TASP1: variants seen among roughly 807,000 people sequenced by gnomAD.
TASP1 encodes taspase 1.
In TASP1, 16 loss-of-function variants were observed where a neutral mutation model predicts 56.6. The ratio of observed to expected loss-of-function variants is 0.28; its 90% CI spans 0.19 to 0.43. TASP1 has a LOEUF of 0.43. Among genes scored for constraint, TASP1 ranks in the 20% least tolerant of loss-of-function variants. The pLI is 1.00. For synonymous variants in TASP1, 179 were observed against 184.2 expected (o/e 0.97, Z 0.23); for missense variants, 393 against 511.6 (o/e 0.77, Z 2.24).
At chr20:13,202,407 A>G in the TASP1 span, among the ~76,000 whole-genome samples, 1 of 152,234 alleles carries the variant, frequency 6.6e-6, no homozygotes, top group Non-Finnish European at 1.5e-5. Context: ...TGCTTGTAAT[A>G]TCATATCTTT....
At chr20:13,543,831 G>T (rs1236627104) in intron 8 of TASP1, among the ~76,000 whole-genome samples, 2 of 152,128 alleles carry the variant, frequency 1.3e-5, no homozygotes, top group African/African-American at 4.8e-5. Flanking sequence ...TTCTGAAACT[G>T]CATCTTGCTC....
chr20:13,212,668 G>A, the TASP1 span, among the ~76,000 whole-genome samples: 74 of 152,224 alleles, frequency 4.9e-4, 1 homozygote, highest in South Asian at 0.013. Context: ...ATGGATAAAA[G>A]TTGATGGTTA....
At chr20:13,163,972 T>C in the TASP1 span, among the ~76,000 whole-genome samples, 1 of 152,166 alleles carries the variant, frequency 6.6e-6, no homozygotes, top group Non-Finnish European at 1.5e-5. Context: ...GTTACATATG[T>C]ATACATGTGC....
chr20:13,547,160 C>T (rs6033755), intron 8 of TASP1, among the ~76,000 whole-genome samples: 32,230 of 152,116 alleles, frequency 0.21, 3,577 homozygotes, highest in Middle Eastern at 0.28. Context: ...AAAATGCTCA[C>T]GCTTCTATGG....
the TASP1 span, among the ~76,000 whole-genome samples, chr20:13,198,838 CTTT>C: frequency 3.3e-4 from 46 of 138,138 alleles, no homozygotes; most frequent in South Asian, 9.7e-4. Context: ...TTCTTTCTTT[CTTT>C]CTTTCTTTCT....
the TASP1 span, among the ~76,000 whole-genome samples, chr20:13,358,745 T>C: frequency 7.0e-6 from 1 of 142,374 alleles, no homozygotes; most frequent in Non-Finnish European, 1.5e-5. Context: ...ACAGGGACGC[T>C]TACTCACTGC....
At chr20:13,632,490 T>C (rs890100980) in intron 1 of TASP1, among the ~76,000 whole-genome samples, 2 of 152,172 alleles carry the variant, frequency 1.3e-5, no homozygotes, top group South Asian at 2.1e-4. Flanking sequence ...TTTTAAAGCA[T>C]TGCTTCTCAA....
At chr20:13,217,180 A>G in the TASP1 span, among the ~76,000 whole-genome samples, 3 of 152,250 alleles carry the variant, frequency 2.0e-5, no homozygotes, top group African/African-American at 4.8e-5. Flanking sequence ...AAATATGTAC[A>G]TATGAAATGA....
chr20:13,616,522 TA>T (rs985500583), intron 4 of TASP1, among the ~76,000 whole-genome samples: 27 of 152,036 alleles, frequency 1.8e-4, no homozygotes, highest in Non-Finnish European at 3.2e-4. Context: ...TACTACAAAG[TA>T]AAAGCATGAT....
At chr20:13,235,927 C>CTT in the TASP1 span, among the ~76,000 whole-genome samples, 36,752 of 148,316 alleles carry the variant, frequency 0.25, 4,734 homozygotes, top group African/African-American at 0.33. Context: ...TTGTACTTCC[C>CTT]TTTTTTCTTT....
the TASP1 span, among the ~76,000 whole-genome samples, chr20:13,155,545 G>A: frequency 6.6e-6 from 1 of 152,312 alleles, no homozygotes; most frequent in South Asian, 2.1e-4. Flanking sequence ...CACACATGAA[G>A]GCTGGGCGCG....
At chr20:13,459,295 C>T (rs2043966279) in intron 11 of TASP1, among the ~76,000 whole-genome samples, 1 of 152,176 alleles carries the variant, frequency 6.6e-6, no homozygotes, top group African/African-American at 2.4e-5. Flanking sequence ...TCACTAACCA[C>T]CCCTAACTGC....
chr20:13,454,100 G>T (rs752997922), intron 11 of TASP1, among the ~76,000 whole-genome samples: 7 of 151,710 alleles, frequency 4.6e-5, no homozygotes, highest in Non-Finnish European at 7.4e-5. Context: ...TCCTGAGCAA[G>T]AAAGTGACCT....
chr20:13,298,415 C>G, the TASP1 span, among the ~76,000 whole-genome samples: 1 of 152,156 alleles, frequency 6.6e-6, no homozygotes, highest in African/African-American at 2.4e-5. Context: ...CGTGCCTGGC[C>G]TCATCACTTA....
the TASP1 span, among the ~76,000 whole-genome samples, chr20:13,138,436 C>A: frequency 6.6e-6 from 1 of 152,170 alleles, no homozygotes; most frequent in Non-Finnish European, 1.5e-5. Context: ...ATTCTTCCTT[C>A]CTTCAGTCCC....
intron 11 of TASP1, among the ~76,000 whole-genome samples, chr20:13,436,342 G>A (rs1312610755): frequency 6.9e-6 from 1 of 145,958 alleles, no homozygotes; most frequent in African/African-American, 2.7e-5. Flanking sequence ...TTTTTAAAGG[G>A]TTGTTTTAAA....
chr20:13,297,236 C>T, the TASP1 span, among the ~76,000 whole-genome samples: 2 of 152,092 alleles, frequency 1.3e-5, no homozygotes, highest in Non-Finnish European at 1.5e-5. Flanking sequence ...GGACTCCTAA[C>T]CTTCACTGTT....
chr20:13,472,131 CA>C (rs1385288573), intron 11 of TASP1, among the ~76,000 whole-genome samples: 1 of 150,934 alleles, frequency 6.6e-6, no homozygotes, highest in Non-Finnish European at 1.5e-5. Flanking sequence ...GGTGCCAAAA[CA>C]GATATACCGA....
the TASP1 span, among the ~76,000 whole-genome samples, chr20:13,345,539 G>A: frequency 3.3e-5 from 5 of 152,230 alleles, no homozygotes. Context: ...ACCTTTGGGT[G>A]TATCCAATGC....
Sources: gnomAD v4.1 joint callset for allele counts (sites outside exome capture counted in the v4.1 genomes callset) on GRCh38, gnomAD v4.1.1 for gene constraint, MANE v1.5 for transcripts, NCBI Gene and HGNC (gene_info 2026-07-23, HGNC 2026-07-21) for gene names.